DOCK11: variants seen among roughly 807,000 people sequenced by gnomAD.
The protein encoded by DOCK11 is dedicator of cytokinesis 11.
A neutral mutation model predicts 169.1 loss-of-function variants in DOCK11; 70 were observed. The ratio of observed to expected loss-of-function variants is 0.41; its 90% CI spans 0.34 to 0.51. The LOEUF (loss-of-function observed/expected upper bound fraction) is 0.51. Among genes scored for constraint, DOCK11 ranks in the 20% least tolerant of loss-of-function variants. The pLI, the probability that DOCK11 is intolerant of heterozygous loss-of-function variation, is 0.10. For missense variants in DOCK11, 1,166 were observed against 1,538.8 expected, an observed-to-expected ratio of 0.76 and a Z score of 4.05; for synonymous variants, 529 against 541.3, an observed-to-expected ratio of 0.98 and a Z score of 0.32.
At chrX:118,625,538 A>G (rs1248694546) in intron 32 of DOCK11, among the ~76,000 whole-genome samples, 1 of 111,875 alleles carries the variant, frequency 8.9e-6, no homozygotes, top group Non-Finnish European at 1.9e-5. Flanking sequence ...TGGTCCAAAG[A>G]TTGCACTTTG....
At chrX:118,532,431 C>T (rs2011613558) in intron 1 of DOCK11, among the ~76,000 whole-genome samples, 2 of 110,861 alleles carry the variant, frequency 1.8e-5, no homozygotes, top group African/African-American at 3.3e-5. Context: ...TCAGGAAGGG[C>T]TTTTTGGCAG....
intron 1 of DOCK11, among the ~76,000 whole-genome samples, chrX:118,522,928 G>A (rs775935244): frequency 6.2e-5 from 7 of 112,188 alleles, no homozygotes; most frequent in African/African-American, 1.3e-4. Context: ...AGAATTTGGC[G>A]TACTACGCTG....
chrX:118,645,549 C>T (rs2015635512), intron 40 of DOCK11, among the ~76,000 whole-genome samples: 1 of 108,992 alleles, frequency 9.2e-6, no homozygotes, highest in Admixed American at 9.9e-5. Flanking sequence ...CAAAAATTAG[C>T]CGGGCGTGGT....
chrX:118,548,348 T>C (rs148879506), intron 6 of DOCK11, among the ~76,000 whole-genome samples: 112 of 112,139 alleles, frequency 1.0e-3, no homozygotes, highest in African/African-American at 3.5e-3. Context: ...ATAGGAGGAA[T>C]TGATGGCCTC....
At chrX:118,557,621 G>T (rs751225769) in intron 6 of DOCK11, among the ~76,000 whole-genome samples, 4 of 107,782 alleles carry the variant, frequency 3.7e-5, no homozygotes, top group African/African-American at 1.4e-4. Context: ...AAAATTAGCC[G>T]GGCATGGTGG....
At chrX:118,524,080 C>T (rs143063284) in intron 1 of DOCK11, among the ~76,000 whole-genome samples, 1,617 of 111,994 alleles carry the variant, frequency 0.014, 23 homozygotes, top group African/African-American at 0.05. Flanking sequence ...GATCTATGTC[C>T]TCCCCACCCT....
At chrX:118,528,989 CTT>C (rs1290132597) in intron 1 of DOCK11, among the ~76,000 whole-genome samples, 4 of 101,938 alleles carry the variant, frequency 3.9e-5, no homozygotes, top group African/African-American at 3.5e-5. Context: ...TCTTTTTTTT[CTT>C]TTTTTTTTTT....
At chrX:118,651,151 C>G (rs2015935780) in intron 41 of DOCK11, among the ~76,000 whole-genome samples, 1 of 111,668 alleles carries the variant, frequency 9.0e-6, no homozygotes, top group Non-Finnish European at 1.9e-5. Context: ...TTTAAAAGTC[C>G]CATCAAAGAC....
chrX:118,591,622 T>G (rs1002247636), intron 19 of DOCK11, among the ~76,000 whole-genome samples: 6 of 106,432 alleles, frequency 5.6e-5, no homozygotes, highest in Non-Finnish European at 7.8e-5. Context: ...TCCCTAATCA[T>G]TCTTTTCTTT....
intron 6 of DOCK11, among the ~76,000 whole-genome samples, chrX:118,554,062 G>A (rs1258661813): frequency 9.0e-6 from 1 of 111,570 alleles, no homozygotes; most frequent in Non-Finnish European, 1.9e-5. Flanking sequence ...GAGTGCAGTG[G>A]CACAATCATA....
At chrX:118,669,452 C>T (rs776037879) in intron 45 of DOCK11, among the ~76,000 whole-genome samples, 1 of 111,697 alleles carries the variant, frequency 9.0e-6, no homozygotes, top group Non-Finnish European at 1.9e-5. Flanking sequence ...AGGTGTTAGC[C>T]GACTTGGTGT....
chrX:118,651,090 TA>T (rs1466353098), intron 41 of DOCK11, among the ~76,000 whole-genome samples: 1 of 111,545 alleles, frequency 9.0e-6, no homozygotes, highest in East Asian at 2.8e-4. Flanking sequence ...ATCCAGCCAT[TA>T]ACATCTTAGT....
At chrX:118,537,841 TC>T (rs1212622163) in intron 1 of DOCK11, among the ~76,000 whole-genome samples, 1 of 111,682 alleles carries the variant, frequency 9.0e-6, no homozygotes, top group African/African-American at 3.3e-5. Context: ...CTGACGAGTT[TC>T]CTTTTTTGCT....
chrX:118,525,364 C>T (rs1215463408), intron 1 of DOCK11, among the ~76,000 whole-genome samples: 3 of 111,605 alleles, frequency 2.7e-5, no homozygotes, highest in African/African-American at 9.8e-5. Context: ...GAAATTATGA[C>T]ACATGCTACA....
intron 6 of DOCK11, among the ~76,000 whole-genome samples, chrX:118,559,644 G>T (rs1170055994): frequency 9.0e-6 from 1 of 110,705 alleles, no homozygotes; most frequent in Non-Finnish European, 1.9e-5. Context: ...TCACTTTTGG[G>T]AGGCTGAGGC....
intron 1 of DOCK11, among the ~76,000 whole-genome samples, chrX:118,529,579 C>T (rs1038708861): frequency 8.0e-5 from 9 of 111,806 alleles, no homozygotes; most frequent in African/African-American, 2.9e-4. Flanking sequence ...AGGGACAGAG[C>T]AGTGAATAAG....
rs768507900 is a variant in DOCK11, at chrX:118,621,250, T to A, written c.3471+2522T>A. On this transcript the variant is annotated intron_variant, in intron 31 of 52. Transcript: ENST00000276202. Reference sequence around the variant, plus strand: ...AGTTTGTTTACTTCGTGGGCTTGGTTAACCAAAGTTTCAATTCTAGAGTAT... The same window carrying A: ...AGTTTGTTTACTTCGTGGGCTTGGTAAACCAAAGTTTCAATTCTAGAGTAT... Among the ~76,000 whole-genome samples, 170 of 112,472 alleles carry A rather than the reference T, an allele frequency of 1.5e-3. 2 individuals are homozygous for A. Among genetic ancestry groups the A allele is most frequent in the African/African-American group, 5.1e-3 (158 of 31,030 alleles).
chrX:118,561,163 G>A (rs1238671269), intron 6 of DOCK11, among the ~76,000 whole-genome samples: 1 of 111,678 alleles, frequency 9.0e-6, no homozygotes, highest in East Asian at 2.8e-4. Context: ...CTTAATTATT[G>A]TTCTCTAGAT....
At chrX:118,666,224 T>C (rs2016336522) in intron 45 of DOCK11, among the ~76,000 whole-genome samples, 1 of 112,189 alleles carries the variant, frequency 8.9e-6, no homozygotes, top group Non-Finnish European at 1.9e-5. Flanking sequence ...GCCACTGCAC[T>C]GCAGCCTGGG....
Sources: allele counts gnomAD v4.1 joint callset (sites outside exome capture counted in the v4.1 genomes callset), GRCh38; gene constraint gnomAD v4.1.1; transcripts MANE v1.5; gene names NCBI Gene and HGNC (gene_info 2026-07-23, HGNC 2026-07-21).